QTMAN: variants seen among roughly 807,000 people sequenced by gnomAD.
QTMAN encodes queuosine-tRNA mannosyltransferase, also known as tRNA-queuosine alpha-mannosyltransferase.
At chr2:144,252,032 T>G in the QTMAN span, among the ~76,000 whole-genome samples, 15 of 151,810 alleles carry the variant, frequency 9.9e-5, no homozygotes, top group Admixed American at 9.2e-4. Flanking sequence ...CCTGCCTCTA[T>G]GTTTTTTTTT....
chr2:144,199,529 G>A, the QTMAN span, among the ~76,000 whole-genome samples: 3 of 152,098 alleles, frequency 2.0e-5, no homozygotes, highest in Non-Finnish European at 4.4e-5. Context: ...TAATCATGAA[G>A]GGCTGAGGCT....
the QTMAN span, among the ~76,000 whole-genome samples, chr2:144,216,006 C>T: frequency 1.3e-5 from 2 of 152,184 alleles, no homozygotes; most frequent in Non-Finnish European, 2.9e-5. Flanking sequence ...TTTCTCTTCA[C>T]TACAGCCACA....
the QTMAN span, among the ~76,000 whole-genome samples, chr2:144,234,526 C>G: frequency 4.6e-5 from 7 of 152,206 alleles, no homozygotes; most frequent in South Asian, 2.1e-4. Flanking sequence ...CATCTAGAAG[C>G]AGTATGCTTC....
chr2:144,232,808 G>A, the QTMAN span, among the ~76,000 whole-genome samples: 1 of 152,218 alleles, frequency 6.6e-6, no homozygotes, highest in East Asian at 1.9e-4. Flanking sequence ...TCGAATGCTT[G>A]CTCATAGTGA....
the QTMAN span, among the ~76,000 whole-genome samples, chr2:143,999,546 A>G: frequency 6.6e-5 from 10 of 152,064 alleles, no homozygotes; most frequent in Non-Finnish European, 1.3e-4. Flanking sequence ...AATCATGTAT[A>G]TAACATAAAA....
chr2:144,179,649 A>G, the QTMAN span, among the ~76,000 whole-genome samples: 1 of 152,158 alleles, frequency 6.6e-6, no homozygotes, highest in Admixed American at 6.6e-5. Context: ...TCAAAGGTGA[A>G]GTAGTCCTGA....
the QTMAN span, among the ~76,000 whole-genome samples, chr2:144,282,832 C>T: frequency 1.1e-4 from 16 of 152,056 alleles, no homozygotes; most frequent in Non-Finnish European, 2.1e-4. Flanking sequence ...CACCCAACTC[C>T]CATCCTATGC....
the QTMAN span, among the ~76,000 whole-genome samples, chr2:144,093,725 T>C: frequency 1.4e-4 from 21 of 151,992 alleles, no homozygotes; most frequent in Non-Finnish European, 2.9e-4. Flanking sequence ...GTCAGGGGAG[T>C]TGTTATCATG....
At chr2:144,249,370 T>C in the QTMAN span, among the ~76,000 whole-genome samples, 1 of 152,206 alleles carries the variant, frequency 6.6e-6, no homozygotes, top group African/African-American at 2.4e-5. Context: ...ACAGCTACTT[T>C]TCAGCACGCT....
chr2:144,231,831 C>T, the QTMAN span, among the ~76,000 whole-genome samples: 1 of 147,804 alleles, frequency 6.8e-6, no homozygotes. Context: ...TCACTATACA[C>T]AGAATGAAAG....
the QTMAN span, chr2:144,208,559 T>C: frequency 6.5e-7 from 1 of 1,534,152 alleles, no homozygotes; most frequent in Admixed American, 1.8e-5. Context: ...TCATAACAGG[T>C]ACTTTTTAAA....
chr2:144,235,187 G>C, the QTMAN span, among the ~76,000 whole-genome samples: 15 of 152,094 alleles, frequency 9.9e-5, no homozygotes, highest in African/African-American at 3.1e-4. Flanking sequence ...AGTTCAACAA[G>C]GAATATGAGG....
chr2:144,062,386 G>C, the QTMAN span, among the ~76,000 whole-genome samples: 1 of 152,210 alleles, frequency 6.6e-6, no homozygotes, highest in Non-Finnish European at 1.5e-5. Flanking sequence ...GAGGCATAAA[G>C]GGGTTAAGTA....
the QTMAN span, among the ~76,000 whole-genome samples, chr2:144,138,458 G>A: frequency 6.6e-6 from 1 of 152,050 alleles, no homozygotes; most frequent in Non-Finnish European, 1.5e-5. Context: ...ATTTTTTTAT[G>A]TTAATAGAAA....
chr2:144,014,727 T>C, the QTMAN span, among the ~76,000 whole-genome samples: 1 of 152,304 alleles, frequency 6.6e-6, no homozygotes, highest in African/African-American at 2.4e-5. Flanking sequence ...CTTTAAAAGG[T>C]GCATCATTTC....
the QTMAN span, among the ~76,000 whole-genome samples, chr2:144,161,128 A>G: frequency 6.6e-6 from 1 of 152,164 alleles, no homozygotes; most frequent in Non-Finnish European, 1.5e-5. Context: ...CAGCCTGTCT[A>G]CACTTGATGG....
chr2:144,241,904 T>C, the QTMAN span, among the ~76,000 whole-genome samples: 43 of 152,064 alleles, frequency 2.8e-4, no homozygotes, highest in African/African-American at 1.0e-3. Flanking sequence ...ATGAGCTAGC[T>C]GGAGATAGAT....
At chr2:144,062,998 G>T in the QTMAN span, among the ~76,000 whole-genome samples, 78 of 152,196 alleles carry the variant, frequency 5.1e-4, no homozygotes, top group African/African-American at 1.7e-3. Context: ...CCAGCCCCAG[G>T]CTAGAGTAAT....
the QTMAN span, among the ~76,000 whole-genome samples, chr2:144,116,358 G>A: frequency 6.6e-6 from 1 of 151,992 alleles, no homozygotes; most frequent in Non-Finnish European, 1.5e-5. Flanking sequence ...ATGTGTGTGT[G>A]TGTGTGGTAG....
Sources: allele counts gnomAD v4.1 joint callset (sites outside exome capture counted in the v4.1 genomes callset), GRCh38; gene constraint gnomAD v4.1.1; transcripts MANE v1.5; gene names NCBI Gene and HGNC (gene_info 2026-07-23, HGNC 2026-07-21).